Variants in MYO16 observed in about 807,000 individuals in gnomAD.
MYO16 encodes the protein myosin XVI.
MYO16 carries 94 observed loss-of-function variants against 205.3 expected under a neutral mutation model. The ratio of observed to expected loss-of-function variants is 0.46; its 90% CI spans 0.39 to 0.54. The LOEUF (loss-of-function observed/expected upper bound fraction) is 0.54, where lower values mean the gene tolerates loss of function less well. Ranked by LOEUF, MYO16 falls within the 20% of genes least tolerant of loss-of-function variation. MYO16 has a pLI of 0.00. For synonymous variants in MYO16, 988 were observed against 954.0 expected (o/e 1.04, Z -0.66); for missense variants, 2,315 against 2,387.5 (o/e 0.97, Z 0.63).
intron 27 of MYO16, among the ~76,000 whole-genome samples, chr13:109,098,898 T>C (rs1888864381): frequency 6.6e-6 from 1 of 152,206 alleles, no homozygotes; most frequent in African/African-American, 2.4e-5. Flanking sequence ...TGAAACTACA[T>C]TTTTTTAATT....
intron 27 of MYO16, among the ~76,000 whole-genome samples, chr13:109,081,101 T>C (rs188707190): frequency 6.6e-6 from 1 of 152,286 alleles, no homozygotes; most frequent in East Asian, 1.9e-4. Context: ...CATAGACATA[T>C]ATATGTGAGT....
intron 16 of MYO16, among the ~76,000 whole-genome samples, chr13:108,931,900 T>G (rs912168976): frequency 6.6e-6 from 1 of 152,192 alleles, no homozygotes; most frequent in African/African-American, 2.4e-5. Context: ...CTTGTGAATG[T>G]TCCCCCTTCT....
chr13:108,582,183 T>G, the MYO16 span, among the ~76,000 whole-genome samples: 2 of 152,214 alleles, frequency 1.3e-5, no homozygotes, highest in South Asian at 2.1e-4. Context: ...GTTTGATTTT[T>G]GGGACCTTCT....
In MYO16 at chr13:108,957,811, C is replaced by A. The variant is rs750759219; in HGVS notation, c.2037+12C>A. 6 of 1,580,006 alleles carry A rather than the reference C, an allele frequency of 3.8e-6. No individual in the cohort carries two copies. The highest frequency in any genetic ancestry group is 1.1e-5 in the South Asian group (1 of 90,190). ...GCTTCAGCAGCTTGGTGAGTCATGT[C>A]ATAAATATTTCACTGAGAAAATCAA... On this transcript the variant is annotated intron_variant, in intron 17 of 34. Transcript: ENST00000457511.
intron 21 of MYO16, among the ~76,000 whole-genome samples, chr13:109,002,997 A>G (rs546892247): frequency 2.1e-4 from 32 of 152,332 alleles, no homozygotes; most frequent in African/African-American, 6.5e-4. Flanking sequence ...ATGCCACAGT[A>G]CGTCTATATT....
chr13:109,003,553 T>G (rs1276628422), intron 21 of MYO16, among the ~76,000 whole-genome samples: 1 of 152,146 alleles, frequency 6.6e-6, no homozygotes, highest in Non-Finnish European at 1.5e-5. Flanking sequence ...CAAAGTTTGG[T>G]AGATTGCTTT....
intron 20 of MYO16, among the ~76,000 whole-genome samples, chr13:108,982,218 G>A (rs1032321398): frequency 1.6e-4 from 25 of 152,222 alleles, no homozygotes; most frequent in African/African-American, 6.0e-4. Flanking sequence ...TTTGCTCAAT[G>A]AGTAGATTAT....
chr13:108,727,079 G>T (rs1884366052), intron 3 of MYO16, among the ~76,000 whole-genome samples: 1 of 151,246 alleles, frequency 6.6e-6, no homozygotes, highest in Non-Finnish European at 1.5e-5. Flanking sequence ...GAGTAGAAGG[G>T]TATTATGATC....
At chr13:108,911,066 C>G (rs9514941) in intron 16 of MYO16, among the ~76,000 whole-genome samples, 27,324 of 142,906 alleles carry the variant, frequency 0.19, 3,319 homozygotes, top group East Asian at 0.49. Flanking sequence ...CACACACACA[C>G]AGAGAGAGAG....
chr13:109,039,370 C>T (rs1238941119), intron 23 of MYO16, among the ~76,000 whole-genome samples: 1 of 152,214 alleles, frequency 6.6e-6, no homozygotes, highest in Admixed American at 6.5e-5. Flanking sequence ...TTTATAAACA[C>T]ATCCACCAGC....
chr13:108,519,330 A>G, the MYO16 span, among the ~76,000 whole-genome samples: 1 of 152,168 alleles, frequency 6.6e-6, no homozygotes, highest in East Asian at 1.9e-4. Context: ...AAAGTAAAAC[A>G]GGCTGGTGAC....
intron 1 of MYO16, among the ~76,000 whole-genome samples, chr13:108,653,301 G>GT (rs1214704211): frequency 2.6e-5 from 4 of 152,258 alleles, no homozygotes; most frequent in African/African-American, 9.6e-5. Context: ...CCTATTAGGT[G>GT]TATAAGGGTA....
At chr13:108,864,675 T>C (rs933180642) in intron 11 of MYO16, among the ~76,000 whole-genome samples, 3 of 151,888 alleles carry the variant, frequency 2.0e-5, no homozygotes, top group Admixed American at 6.6e-5. Context: ...ATGACAGGCA[T>C]GCACCACCAT....
intron 1 of MYO16, among the ~76,000 whole-genome samples, chr13:108,643,007 G>A (rs1880579416): frequency 6.6e-6 from 1 of 152,026 alleles, no homozygotes; most frequent in Admixed American, 6.5e-5. Context: ...TCAGGTTTAT[G>A]GAGGTATAAT....
chr13:108,694,366 C>G (rs972451596), intron 2 of MYO16, among the ~76,000 whole-genome samples: 3 of 152,152 alleles, frequency 2.0e-5, no homozygotes, highest in African/African-American at 7.2e-5. Flanking sequence ...AAACTGTTTT[C>G]TACAGTGGCG....
intron 27 of MYO16, among the ~76,000 whole-genome samples, chr13:109,097,627 C>T (rs1224762571): frequency 2.0e-5 from 3 of 152,342 alleles, no homozygotes; most frequent in African/African-American, 7.2e-5. Context: ...TTCCTGAATA[C>T]TTCACCCATC....
At chr13:108,766,639 T>C (rs1176783714) in intron 4 of MYO16, among the ~76,000 whole-genome samples, 3 of 152,224 alleles carry the variant, frequency 2.0e-5, no homozygotes, top group Non-Finnish European at 4.4e-5. Context: ...AGCGGGTAAA[T>C]AGCGCCCAAC....
rs1883768556 is a variant in MYO16, at chr13:108,712,683, G to A, written c.315G>A (p.Gly105=). 6.2e-7 allele frequency: 1 copy of A among 1,614,126 alleles called. No individual in the cohort carries two copies. The highest frequency in any genetic ancestry group is 1.3e-5 in the African/African-American group (1 of 75,030). ...CAGTGCTTCGGCTCCTGAAGGAGGG[G>A]GCAGACCCCCACACCCTCGTCTCCT... ...DKEVLRLLKE[G]ADPHTLVSSG... The change falls in exon 3 of 35, where the codon GGG becomes GGA. Residue 105 remains glycine (G), a synonymous_variant. Transcript: ENST00000457511.
chr13:108,833,397 T>C lies in MYO16; in HGVS notation c.1097+10119T>C, dbSNP rs148513635. ...TATAGAAGCAGAAAAAAAACAAAAATGTAATTGAATTTTCTACGGTGAAAA... is the reference window on the plus strand; with the variant it reads ...TATAGAAGCAGAAAAAAAACAAAAACGTAATTGAATTTTCTACGGTGAAAA... On this transcript the variant is annotated intron_variant, in intron 9 of 34. Coordinates refer to ENST00000457511, the MANE Select transcript of MYO16 (RefSeq NM_001198950.3). 3.0e-3 allele frequency among the ~76,000 whole-genome samples: 452 copies of C among 152,202 alleles called. 2 individuals carry two copies. The highest frequency in any genetic ancestry group is 0.024 in the South Asian group (115 of 4,814).
Sources: allele counts gnomAD v4.1 joint callset (sites outside exome capture counted in the v4.1 genomes callset), GRCh38; gene constraint gnomAD v4.1.1; transcripts MANE v1.5; gene names NCBI Gene and HGNC (gene_info 2026-07-23, HGNC 2026-07-21).